Variants in AGO2 observed in about 807,000 individuals in gnomAD.
AGO2 encodes protein argonaute-2.
Under a neutral mutation model 102.3 loss-of-function variants are expected in AGO2, and 5 were observed. The observed-to-expected ratio is 0.05, with a 90% CI of 0.03 to 0.10. The LOEUF is 0.10. Ranked by LOEUF, AGO2 falls within the 10% of genes least tolerant of loss-of-function variation. The pLI is 1.00. For synonymous variants in AGO2, 449 were observed against 473.1 expected, an observed-to-expected ratio of 0.95 and a Z score of 0.66; for missense variants, 541 against 1,183.7, an observed-to-expected ratio of 0.46 and a Z score of 7.97.
intron 1 of AGO2, among the ~76,000 whole-genome samples, chr8:140,595,813 ATAT>A (rs375012568): frequency 0.42 from 14,973 of 35,496 alleles, 1,520 homozygotes; most frequent in Non-Finnish European, 0.49. Context: ...ACAATTGTAT[ATAT>A]TATATTTATA....
intron 13 of AGO2, 88 bp downstream of exon 13, chr8:140,547,380 C>T (rs1564079049): frequency 6.6e-7 from 1 of 1,518,082 alleles, no homozygotes; most frequent in South Asian, 1.3e-5. Context: ...GGACCCTGCC[C>T]CCCTGCCCCC....
rs1301756849 is a variant in AGO2 at position 140,527,054 on chromosome 8, T to G, written c.*4990A>C. ...GCCTCCCGTCTGGACTGTCCCAGGC[T>G]GGGTGGAACTCAAAGACCATGCTTT... On this transcript the variant is annotated 3_prime_UTR_variant, in exon 19 of 19. Transcript: ENST00000220592. The surrounding 1 kb of genome is among the most constrained non-coding windows in gnomAD (Gnocchi z 6.0). 2 of 152,188 alleles carry G rather than the reference T, an allele frequency of 1.3e-5. No homozygotes were observed. Among genetic ancestry groups the G allele is most frequent in the East Asian group, 3.9e-4 (2 of 5,162 alleles). 9.4% of individuals were successfully genotyped at this position (152,188 alleles called of 1,614,324 possible).
intron 1 of AGO2, among the ~76,000 whole-genome samples, chr8:140,606,119 G>A (rs1375709477): frequency 6.6e-6 from 1 of 152,202 alleles, no homozygotes; most frequent in Non-Finnish European, 1.5e-5. Context: ...AGTAAGGTAA[G>A]ATTTTTTCCA....
chr8:140,579,653 T>C (rs1183534481), intron 2 of AGO2, among the ~76,000 whole-genome samples: 1 of 151,746 alleles, frequency 6.6e-6, no homozygotes, highest in Non-Finnish European at 1.5e-5. Flanking sequence ...ACTTAGATGG[T>C]GTCTTTTGTT....
At chr8:140,583,097 T>C (rs945435905) in intron 2 of AGO2, among the ~76,000 whole-genome samples, 2 of 152,172 alleles carry the variant, frequency 1.3e-5, no homozygotes, top group Non-Finnish European at 2.9e-5. Context: ...AAAGAGTGAT[T>C]TCTTCTCTCC....
At chr8:140,619,720 A>G (rs534613666) in intron 1 of AGO2, among the ~76,000 whole-genome samples, 1 of 152,296 alleles carries the variant, frequency 6.6e-6, no homozygotes, top group African/African-American at 2.4e-5. Flanking sequence ...GCAACTCTCC[A>G]CACTCTACAG....
At chr8:140,617,026 T>TG (rs11411353) in intron 1 of AGO2, among the ~76,000 whole-genome samples, 127,729 of 152,168 alleles carry the variant, frequency 0.84, 54,057 homozygotes, top group African/African-American at 0.91. Context: ...CGATGCTGGA[T>TG]CGGAGATGCA....
At chr8:140,626,190 T>C (rs976075402) in intron 1 of AGO2, among the ~76,000 whole-genome samples, 1 of 152,108 alleles carries the variant, frequency 6.6e-6, no homozygotes, top group African/African-American at 2.4e-5. Flanking sequence ...CCAAGAGCTG[T>C]CGGGGTCCGG....
chr8:140,535,247 T>C (rs1248411312), intron 17 of AGO2: 1 of 567,316 alleles, frequency 1.8e-6, no homozygotes, highest in Non-Finnish European at 3.2e-6. Flanking sequence ...CCCTACCAAA[T>C]GGGACTTCCT....
In AGO2 at chr8:140,591,192, G is replaced by A. The variant is rs564009984; in HGVS notation, c.23-5881C>T. ...CTGTGTTCTGCAGGCGCGGTTCCTG[G>A]AAGGCTTTCGTTTCTGTTCTCCCTG... On this transcript the variant is annotated intron_variant, in intron 1 of 18. Coordinates refer to ENST00000220592, the MANE Select transcript of AGO2 (RefSeq NM_012154.5). Among the ~76,000 whole-genome samples, 11 of 152,364 alleles carry A rather than the reference G, an allele frequency of 7.2e-5. No individual in the cohort carries two copies. The East Asian group carries it at 1.7e-3, about 24-fold the overall frequency.
At chr8:140,585,380 G>A (rs2073639805) in intron 1 of AGO2, 69 bp from the exon 2 acceptor site, 4 of 1,515,780 alleles carry the variant, frequency 2.6e-6, no homozygotes, top group Admixed American at 2.0e-5. Context: ...CCATCCCGCG[G>A]CCCCAAGCCA....
In AGO2 at chr8:140,540,428, C is replaced by G. The variant is rs955858735; in HGVS notation, c.2034+736G>C. 3.9e-5 allele frequency among the ~76,000 whole-genome samples: 6 copies of G among 152,188 alleles called. No homozygotes were observed. Among genetic ancestry groups the G allele is most frequent in the African/African-American group, 1.4e-4 (6 of 41,460 alleles). ...TGCTAACACCTCCCAAGGAAGCGAC[C>G]GTGTGGCATGGCGAGGGGTGGGGAG... On this transcript the variant is annotated intron_variant, in intron 15 of 18. Transcript: ENST00000220592. The surrounding 1 kb of genome is among the most constrained non-coding windows in gnomAD (Gnocchi z 5.0).
At chr8:140,628,917 T>C (rs538598935) in intron 1 of AGO2, among the ~76,000 whole-genome samples, 5 of 136,398 alleles carry the variant, frequency 3.7e-5, no homozygotes, top group Non-Finnish European at 7.9e-5. Context: ...CAAAATCCCA[T>C]GTCTACTAAA....
At chr8:140,586,694 C>G (rs1302278400) in intron 1 of AGO2, among the ~76,000 whole-genome samples, 1 of 152,148 alleles carries the variant, frequency 6.6e-6, no homozygotes, top group African/African-American at 2.4e-5. Context: ...GTGGAGACAG[C>G]CACTCCCCTG....
chr8:140,612,261 A>G (rs2074090428), intron 1 of AGO2, among the ~76,000 whole-genome samples: 4 of 132,540 alleles, frequency 3.0e-5, no homozygotes, highest in Admixed American at 7.8e-5. Flanking sequence ...AAAAAAAAAG[A>G]CTTCTGGTTA....
chr8:140,555,402 T>A (rs1307205062), intron 10 of AGO2: 1 of 153,832 alleles, frequency 6.5e-6, no homozygotes, highest in African/African-American at 2.4e-5. Flanking sequence ...GGCGAGAGAT[T>A]TGTTTGAGCC....
rs112479595 is a variant in AGO2, at chr8:140,539,708, T to C, written c.2035-254A>G. On this transcript the variant is annotated intron_variant, in intron 15 of 18. Transcript: ENST00000220592. The surrounding 1 kb of genome is among the most constrained non-coding windows in gnomAD (Gnocchi z 4.7). ...TGGAGGGCCCAGGAGGTTGTGTGTGTGCAAGGGGCGCAGCCAACGCCAGGG... is the reference window on the plus strand; with the variant it reads ...TGGAGGGCCCAGGAGGTTGTGTGTGCGCAAGGGGCGCAGCCAACGCCAGGG... Among the ~76,000 whole-genome samples the C allele has an allele frequency of 0.05, 7,650 of 152,210 alleles. 295 individuals carry two copies. The highest frequency in any genetic ancestry group is 0.11 in the African/African-American group (4,598 of 41,508).
chr8:140,622,334 C>G (rs55775041), intron 1 of AGO2, among the ~76,000 whole-genome samples: 1 of 78,850 alleles, frequency 1.3e-5, no homozygotes, highest in African/African-American at 5.2e-5. Flanking sequence ...GGGGTCTCCT[C>G]TCGGGGGAAT....
intron 1 of AGO2, among the ~76,000 whole-genome samples, chr8:140,627,115 C>T (rs1011483572): frequency 1.6e-4 from 24 of 152,202 alleles, no homozygotes; most frequent in Non-Finnish European, 2.8e-4. Flanking sequence ...ATCCAGTGCC[C>T]GCCACCTTCC....
Sources: gnomAD v4.1 joint callset for allele counts (sites outside exome capture counted in the v4.1 genomes callset) on GRCh38, gnomAD v4.1.1 for gene constraint, Gnocchi (gnomAD v3.1) non-coding constraint, MANE v1.5 for transcripts, NCBI Gene and HGNC (gene_info 2026-07-23, HGNC 2026-07-21) for gene names.